The following PLEC variants were observed in gnomAD, a reference collection of about 807,000 sequenced individuals.
The protein encoded by PLEC is plectin.
PLEC carries 216 observed loss-of-function variants against 392.8 expected under a neutral mutation model. That is an observed-to-expected ratio of 0.55 (90% CI 0.49 to 0.62). The LOEUF (loss-of-function observed/expected upper bound fraction) is 0.62. Among genes scored for constraint, PLEC ranks in the 20% least tolerant of loss-of-function variants. The probability of loss-of-function intolerance (pLI) is 0.00; values close to 1 mark genes in which losing one functional copy is unlikely to be tolerated. For synonymous variants in PLEC, 3,621 were observed against 2,980.6 expected (o/e 1.21, Z -7.00); for missense variants, 6,863 against 6,563.4 (o/e 1.05, Z -1.58).
chr8:143,946,627 G>A (rs1436810599), intron 1 of PLEC: 3 of 306,584 alleles, frequency 9.8e-6, no homozygotes, highest in Non-Finnish European at 2.0e-5. Context: ...CAATCCCAGA[G>A]AGCCCTCCGG....
intron 10 of PLEC, 56 bp from the exon 11 acceptor site, chr8:143,934,501 T>C: frequency 2.5e-6 from 4 of 1,606,648 alleles, no homozygotes; most frequent in East Asian, 2.2e-5. Flanking sequence ...GGTGGGGCGC[T>C]GGGCCTTCAG....
At chr8:143,957,135 C>T (rs567670847), upstream of PLEC, among the ~76,000 whole-genome samples, 14 of 152,160 alleles carry the variant, frequency 9.2e-5, no homozygotes, top group South Asian at 2.5e-3. Flanking sequence ...AGGCTGGCAG[C>T]GAAGGGCCCA....
chr8:143,964,161 C>T (rs1832983629), intron 1 of PLEC, among the ~76,000 whole-genome samples: 2 of 152,040 alleles, frequency 1.3e-5, no homozygotes, highest in Admixed American at 6.6e-5. Flanking sequence ...GACTTTGGGG[C>T]ATGTTGGCAT....
Position 143,936,971 on chromosome 8 carries a change from C to T in PLEC, c.435+8G>A, listed in dbSNP as rs1430279821. 7.5e-6 allele frequency: 12 copies of T among 1,606,126 alleles called. No homozygotes were observed. Among genetic ancestry groups the T allele is most frequent in the East Asian group, 4.5e-5 (2 of 44,764 alleles). On this transcript the variant is annotated splice_region_variant and intron_variant, in intron 5 of 31. Coordinates refer to ENST00000345136, the MANE Select transcript of PLEC (RefSeq NM_201384.3). ...AGGGGGTGGGGGTCCTGGGGGCAGC[C>T]GTTCTACCTGGAAGTGCAGAATGAT...
intron 1 of PLEC, among the ~76,000 whole-genome samples, chr8:143,959,129 G>C (rs1311828320): frequency 6.6e-6 from 1 of 152,200 alleles, no homozygotes; most frequent in African/African-American, 2.4e-5. Context: ...GGGCGTGTGA[G>C]GGTGAATGCG....
chr8:143,976,091 C>A (rs1330860149), upstream of PLEC, among the ~76,000 whole-genome samples: 3 of 152,230 alleles, frequency 2.0e-5, no homozygotes, highest in African/African-American at 7.2e-5. Context: ...CAGCGAAGGC[C>A]TATAAATAGC....
At position 143,919,285 on chromosome 8, in the gene PLEC, G is replaced by A. The variant is rs184952405; in HGVS notation, c.10536C>T (p.Phe3512=). The change falls in exon 32 of 32, where the codon TTC becomes TTT. Residue 3512 remains phenylalanine (F), a synonymous_variant. Transcript: ENST00000345136. ...LADPSDDTKG[F]FDPNTHENLT... ...GGTTCTCATGCGTGTTGGGGTCAAAGAAGCCCTTGGTGTCGTCGCTGGGGT... is the reference window on the plus strand; with the variant it reads ...GGTTCTCATGCGTGTTGGGGTCAAAAAAGCCCTTGGTGTCGTCGCTGGGGT... 9 of 1,613,912 alleles carry A rather than the reference G, an allele frequency of 5.6e-6. No individual in the cohort carries two copies.
upstream of PLEC, chr8:143,975,250 C>A (rs572881156): frequency 1.9e-6 from 3 of 1,607,888 alleles, no homozygotes; most frequent in African/African-American, 2.7e-5. The surrounding 1 kb of genome is among the most constrained non-coding windows in gnomAD (Gnocchi z 9.9). Context: ...CCCCGCTGCG[C>A]CGGCTCCGCT....
intron 1 of PLEC, among the ~76,000 whole-genome samples, chr8:143,962,958 T>C (rs1239408410): frequency 2.0e-5 from 3 of 152,166 alleles, no homozygotes; most frequent in African/African-American, 7.2e-5. Flanking sequence ...AGGTTCACTG[T>C]TAGGAAAGTG....
chr8:143,956,544 GGA>G (rs2132821606), upstream of PLEC, among the ~76,000 whole-genome samples: 1 of 152,372 alleles, frequency 6.6e-6, no homozygotes, highest in African/African-American at 2.4e-5. Context: ...TTCCTGTCTG[GGA>G]GAGAGCAAGA....
rs1239536320 is a variant in PLEC at position 143,969,663 on chromosome 8, A to G, written c.70+3740T>C. Among the ~76,000 whole-genome samples, 2 of 152,136 alleles carry G rather than the reference A, an allele frequency of 1.3e-5. No individual in the cohort carries two copies. Among genetic ancestry groups the G allele is most frequent in the African/African-American group, 4.8e-5 (2 of 41,508 alleles). On this transcript the variant is annotated intron_variant, in intron 1 of 31. Coordinates refer to the PLEC transcript ENST00000356346. The surrounding 1 kb of genome is among the most constrained non-coding windows in gnomAD (Gnocchi z 5.1). ...AGAAAGAGCGGCCCAGCAGCAGTCC[A>G]GCGTTGTGGGCAGGGGCCTGTCCTG...
intron 5 of PLEC, 47 bp from the exon 6 acceptor site, chr8:143,936,061 C>A (rs6981131): frequency 8.7e-6 from 14 of 1,601,428 alleles, no homozygotes; most frequent in East Asian, 2.2e-5. Context: ...AGCCACCAGG[C>A]CTGCTCTGTG....
Position 143,932,207 on chromosome 8 carries a change from C to T in PLEC, c.2005G>A (p.Glu669Lys). 1.2e-6 allele frequency: 2 copies of T among 1,612,360 alleles called. No homozygotes were observed. The highest frequency in any genetic ancestry group is 1.7e-6 in the Non-Finnish European group (2 of 1,179,902). Residue 669 changes from glutamate (E) to lysine (K), a missense_variant, in exon 17 of 32, where the codon GAG (glutamate) becomes AAG (lysine). By Grantham distance (56) the Glu-to-Lys change is moderately conservative (BLOSUM62 1). Coordinates refer to ENST00000345136, the MANE Select transcript of PLEC (RefSeq NM_201384.3). ...SALMRELELK[E>K]KKIKELQNAG... ...TTTTGGAGCTCCTTGATCTTCTTCTCCTTCAGCTCCAGCTCCCGCATCAGC... is the reference window on the plus strand; with the variant it reads ...TTTTGGAGCTCCTTGATCTTCTTCTTCTTCAGCTCCAGCTCCCGCATCAGC...
At position 143,929,267 on chromosome 8, in the gene PLEC, C is replaced by T. The variant is rs1826316379; in HGVS notation, c.3096G>A (p.Glu1032=). 1 of 1,601,102 alleles carries T rather than the reference C, an allele frequency of 6.2e-7. No homozygotes were observed. Among genetic ancestry groups the T allele is most frequent in the East Asian group, 2.2e-5 (1 of 44,836 alleles). The stretch of plus-strand genomic sequence containing the variant: ...CGACCCCCTTGCCCAGCCCCTCCAC[C>T]TCTGCCTGTGCCTTCTGCAAAGACA... ...RIAEQQKAQA[E]VEGLGKGVAR... is the part of the protein sequence containing the mutation. The change falls in exon 25 of 32, where the codon GAG becomes GAA. Residue 1032 remains glutamate, a synonymous_variant. Coordinates refer to ENST00000345136, the MANE Select transcript of PLEC (RefSeq NM_201384.3).
chr8:143,943,544 T>G (rs1830891568), upstream of PLEC, among the ~76,000 whole-genome samples: 1 of 152,094 alleles, frequency 6.6e-6, no homozygotes, highest in Non-Finnish European at 1.5e-5. Flanking sequence ...CGGCCTCCGC[T>G]TCCACCCACC....
chr8:143,922,324 CT>C lies in PLEC; in HGVS notation c.7496del (p.Lys2499ArgfsTer166). ...QALQQSFLSE[K>X]DSLLQRERFI... ...AGCGCTCCCGCTGTAGCAGGCTGTC[CT>C]TTTCAGAGAGGAAGCTTTGCTGCAG... is the stretch of plus-strand genomic sequence containing the variant. On this transcript the variant is annotated frameshift_variant, in exon 32 of 32. Coordinates refer to ENST00000345136, the MANE Select transcript of PLEC (RefSeq NM_201384.3). LOFTEE classifies it low-confidence loss of function (END_TRUNC). The C allele has an allele frequency of 6.2e-7, 1 of 1,607,280 alleles. No individual in the cohort carries two copies.
intron 1 of PLEC, among the ~76,000 whole-genome samples, chr8:143,944,988 G>C (rs1831229556): frequency 6.8e-6 from 1 of 147,558 alleles, no homozygotes; most frequent in African/African-American, 2.7e-5. Flanking sequence ...TCCCACAGGG[G>C]GTTCTAATAT....
chr8:143,923,802 C>T lies in PLEC; in HGVS notation c.6127G>A (p.Ala2043Thr), dbSNP rs370881215. 31 of 1,578,974 alleles carry T rather than the reference C, an allele frequency of 2.0e-5. No individual in the cohort carries two copies. Among genetic ancestry groups the T allele is most frequent in the Admixed American group, 3.5e-5 (2 of 57,730 alleles). ...TCTTCCGCCTGCAGCCGCTTCTGGG[C>T]GGCCTCCTGGGCCAGCTGCAGCTGC... Reference protein sequence around the residue: ...ARQLQLAQEAAQKRLQAEEKA... With the variant: ...ARQLQLAQEATQKRLQAEEKA... Residue 2043 changes from alanine to threonine, a missense_variant, in exon 31 of 32, where the codon GCC (alanine) becomes ACC (threonine). By Grantham distance (58) the Ala-to-Thr change is moderately conservative (BLOSUM62 0). Coordinates refer to ENST00000345136, the MANE Select transcript of PLEC (RefSeq NM_201384.3).
At chr8:143,958,001 G>C (rs1554739714), upstream of PLEC, among the ~76,000 whole-genome samples, 1 of 152,158 alleles carries the variant, frequency 6.6e-6, no homozygotes, top group Admixed American at 6.5e-5. This position sits in a 1 kb window ranked among gnomAD's most constrained non-coding sequence, Gnocchi z 4.9. Context: ...GTGAAATCCT[G>C]CCAGATACAT....
Sources: allele counts gnomAD v4.1 joint callset (sites outside exome capture counted in the v4.1 genomes callset), GRCh38; gene constraint gnomAD v4.1.1; non-coding constraint Gnocchi (gnomAD v3.1); transcripts MANE v1.5; gene names NCBI Gene and HGNC (gene_info 2026-07-23, HGNC 2026-07-21).